The following SCARA5 variants were observed in gnomAD, a reference collection of about 807,000 sequenced individuals.
The protein encoded by SCARA5 is scavenger receptor class A, member 5 (putative).
SCARA5 carries 45 observed loss-of-function variants against 46.3 expected under a neutral mutation model. The observed-to-expected ratio is 0.97, with a 90% CI of 0.76 to 1.24. The LOEUF (loss-of-function observed/expected upper bound fraction) is 1.24. Ranked by LOEUF, SCARA5 falls within the 50% of genes most tolerant of loss-of-function variation. The probability of loss-of-function intolerance (pLI) is 0.00; values close to 1 mark genes in which losing one functional copy is unlikely to be tolerated. For missense variants in SCARA5, 680 were observed against 689.0 expected (o/e 0.99, Z 0.15); for synonymous variants, 333 against 306.5 (o/e 1.09, Z -0.90).
At chr8:27,930,339 G>A (rs1807749356) in intron 3 of SCARA5, among the ~76,000 whole-genome samples, 1 of 151,924 alleles carries the variant, frequency 6.6e-6, no homozygotes, top group South Asian at 2.1e-4. Flanking sequence ...TGTGAGACGT[G>A]CCTTTCACCT....
At chr8:27,927,664 G>A (rs1235726737) in intron 3 of SCARA5, among the ~76,000 whole-genome samples, 2 of 151,740 alleles carry the variant, frequency 1.3e-5, no homozygotes, top group East Asian at 1.9e-4. Flanking sequence ...GTAAATAAAC[G>A]CAGAAAGGTT....
intron 2 of SCARA5, among the ~76,000 whole-genome samples, chr8:27,967,531 T>A (rs1197951492): frequency 1.3e-5 from 2 of 152,056 alleles, no homozygotes; most frequent in Non-Finnish European, 2.9e-5. Context: ...GGGGACGGCA[T>A]TTTTTTAAAA....
intron 2 of SCARA5, among the ~76,000 whole-genome samples, chr8:27,967,944 G>C (rs962643761): frequency 6.6e-6 from 1 of 151,920 alleles, no homozygotes; most frequent in African/African-American, 2.4e-5. Context: ...GGAGAGGAGA[G>C]GAGTGTCACT....
intron 3 of SCARA5, among the ~76,000 whole-genome samples, chr8:27,947,043 G>A (rs540271515): frequency 1.0e-4 from 15 of 146,610 alleles, no homozygotes; most frequent in South Asian, 2.2e-4. Context: ...AGGGAGTCTC[G>A]CTCTGTCACC....
At chr8:27,984,533 C>T (rs1808671491) in intron 2 of SCARA5, among the ~76,000 whole-genome samples, 2 of 151,684 alleles carry the variant, frequency 1.3e-5, no homozygotes, top group African/African-American at 4.8e-5. Context: ...TCCATCTATC[C>T]ATTCATTCAT....
At chr8:27,951,771 C>G (rs10102992) in intron 3 of SCARA5, among the ~76,000 whole-genome samples, 2 of 152,160 alleles carry the variant, frequency 1.3e-5, no homozygotes, top group Non-Finnish European at 2.9e-5. Context: ...AGAGGAGGTC[C>G]GGAATCCCTT....
chr8:27,955,124 T>G (rs1313638153), intron 3 of SCARA5, among the ~76,000 whole-genome samples: 4 of 152,142 alleles, frequency 2.6e-5, no homozygotes, highest in African/African-American at 9.7e-5. Context: ...CCCATGTTCA[T>G]CCAGGGGCTC....
rs904122479 is a variant in SCARA5, at chr8:27,924,295, T to C, written c.242-2050A>G. Reference sequence around the variant, plus strand: ...CTTGGTACACAGCTTGTTCAAACAATGAGAAAAATCAGATGGAATAAGTTC... The same window carrying C: ...CTTGGTACACAGCTTGTTCAAACAACGAGAAAAATCAGATGGAATAAGTTC... On this transcript the variant is annotated intron_variant, in intron 3 of 8. Transcript: ENST00000354914. 2.0e-5 allele frequency among the ~76,000 whole-genome samples: 3 copies of C among 152,278 alleles called. No individual in the cohort carries two copies. The East Asian group carries it at 5.8e-4, about 29-fold the overall frequency.
chr8:27,894,142 G>A (rs780448737), intron 7 of SCARA5, among the ~76,000 whole-genome samples: 2 of 152,232 alleles, frequency 1.3e-5, no homozygotes, highest in Admixed American at 6.5e-5. Flanking sequence ...TGCTTTGTGC[G>A]TGCATTTGCT....
intron 3 of SCARA5, among the ~76,000 whole-genome samples, chr8:27,934,322 G>A (rs1240681921): frequency 6.6e-6 from 1 of 152,204 alleles, no homozygotes; most frequent in Non-Finnish European, 1.5e-5. Context: ...CTTGTTCCCA[G>A]GCAAATGCGG....
intron 7 of SCARA5, among the ~76,000 whole-genome samples, chr8:27,895,022 T>G (rs1238168326): frequency 6.6e-6 from 1 of 152,138 alleles, no homozygotes; most frequent in Non-Finnish European, 1.5e-5. Context: ...GAACTTTGCC[T>G]CTACAGAAAA....
Position 27,884,955 on chromosome 8 carries a change from TGAG to T in SCARA5, c.1154-5192_1154-5190del, listed in dbSNP as rs1806870098. On this transcript the variant is annotated intron_variant, in intron 7 of 8. Coordinates refer to ENST00000354914, the MANE Select transcript of SCARA5 (RefSeq NM_173833.6). ...GGCAAGTGAACAAAGGAGTGGAGAGTGAGGGCAGGCGCCATCTTGGACAAGTGG... is the reference window on the plus strand; with the variant it reads ...GGCAAGTGAACAAAGGAGTGGAGAGTGGCAGGCGCCATCTTGGACAAGTGG... Among the ~76,000 whole-genome samples, 8 of 149,968 alleles carry T rather than the reference TGAG, an allele frequency of 5.3e-5. No individual in the cohort carries two copies. The South Asian group carries it at 1.5e-3, about 28-fold the overall frequency.
At chr8:27,975,705 T>C (rs1272710352) in intron 2 of SCARA5, among the ~76,000 whole-genome samples, 2 of 152,048 alleles carry the variant, frequency 1.3e-5, no homozygotes, top group Non-Finnish European at 2.9e-5. Flanking sequence ...GGTTTTTTTT[T>C]CCTCTCTCCA....
intron 8 of SCARA5, among the ~76,000 whole-genome samples, chr8:27,872,431 GAA>G (rs1466976489): frequency 6.6e-6 from 1 of 152,176 alleles, no homozygotes; most frequent in African/African-American, 2.4e-5. Flanking sequence ...AATGTCAAGG[GAA>G]CATTTAAACC....
chr8:27,962,211 G>T (rs1327055220), intron 3 of SCARA5, among the ~76,000 whole-genome samples: 1 of 152,170 alleles, frequency 6.6e-6, no homozygotes, highest in Admixed American at 6.5e-5. Flanking sequence ...TTGTTTTAAT[G>T]ACCTTCAAAT....
chr8:27,976,785 A>T (rs1047033133), intron 2 of SCARA5, among the ~76,000 whole-genome samples: 2 of 152,106 alleles, frequency 1.3e-5, no homozygotes, highest in African/African-American at 4.8e-5. Context: ...GCCATGCCAG[A>T]GGAGGGAGCT....
chr8:27,962,127 G>A (rs1234759889), intron 3 of SCARA5, among the ~76,000 whole-genome samples: 1 of 152,180 alleles, frequency 6.6e-6, no homozygotes, highest in Non-Finnish European at 1.5e-5. Flanking sequence ...AGCCAGGAAG[G>A]AGACTAACAC....
At position 27,870,565 on chromosome 8, in the gene SCARA5, T is replaced by G. The variant is rs1806620007; in HGVS notation, c.*1369A>C. On this transcript the variant is annotated 3_prime_UTR_variant, in exon 9 of 9. Coordinates refer to ENST00000354914, the MANE Select transcript of SCARA5 (RefSeq NM_173833.6). The stretch of plus-strand genomic sequence containing the variant: ...ATCGTGTATCTGAGGCCTATGAGTT[T>G]GAGATTCCCCCAAGGTGAGGTGGGT... 6.6e-6 allele frequency: 1 copy of G among 152,096 alleles called. No individual in the cohort carries two copies. The highest frequency in any genetic ancestry group is 1.5e-5 in the Non-Finnish European group (1 of 68,046). 9.4% of individuals were successfully genotyped at this position (152,096 alleles called of 1,614,324 possible).
At chr8:27,883,588 A>G (rs1180432499) in intron 7 of SCARA5, among the ~76,000 whole-genome samples, 2 of 152,236 alleles carry the variant, frequency 1.3e-5, no homozygotes, top group African/African-American at 4.8e-5. Flanking sequence ...AAGTGTCCCA[A>G]ATAATTCAGA....
Sources: gnomAD v4.1 joint callset for allele counts (sites outside exome capture counted in the v4.1 genomes callset) on GRCh38, gnomAD v4.1.1 for gene constraint, MANE v1.5 for transcripts, NCBI Gene and HGNC (gene_info 2026-07-23, HGNC 2026-07-21) for gene names.